Variants in ZNF438 observed in about 807,000 individuals in gnomAD.
ZNF438 encodes zinc finger protein 438.
A neutral mutation model predicts 38.0 loss-of-function variants in ZNF438; 25 were observed. The observed-to-expected ratio is 0.66, with a 90% CI of 0.48 to 0.92. The LOEUF is 0.92. ZNF438 is among the 40% of genes least tolerant of loss of function. The probability of loss-of-function intolerance (pLI) is 0.00; values close to 1 mark genes in which losing one functional copy is unlikely to be tolerated. For synonymous variants in ZNF438, 372 were observed against 364.1 expected (o/e 1.02, Z -0.25); for missense variants, 1,007 against 999.6 (o/e 1.01, Z -0.10).
chr10:30,985,896 T>C (rs2052725513), intron 1 of ZNF438, among the ~76,000 whole-genome samples: 3 of 152,190 alleles, frequency 2.0e-5, no homozygotes, highest in Admixed American at 2.0e-4. Flanking sequence ...AGTCATCCAC[T>C]GCATGATGTG....
chr10:30,857,600 A>G (rs2034880581), intron 4 of ZNF438: 6 of 1,160,724 alleles, frequency 5.2e-6, no homozygotes. Context: ...CTGAAAGCCC[A>G]CTTATTAGAG....
intron 1 of ZNF438, among the ~76,000 whole-genome samples, chr10:31,000,205 T>C (rs765459981): frequency 3.9e-5 from 6 of 152,146 alleles, no homozygotes; most frequent in African/African-American, 7.2e-5. Context: ...CCAAGCTTTC[T>C]TTTCTCTGGT....
intron 1 of ZNF438, among the ~76,000 whole-genome samples, chr10:30,957,898 GGT>G (rs1364585757): frequency 8.4e-6 from 1 of 118,488 alleles, no homozygotes; most frequent in Admixed American, 8.5e-5. Flanking sequence ...GCTGTACTCA[GGT>G]GTTCTATTCC....
intron 1 of ZNF438, among the ~76,000 whole-genome samples, chr10:30,989,514 T>TA (rs2053237536): frequency 6.6e-6 from 1 of 152,190 alleles, no homozygotes; most frequent in African/African-American, 2.4e-5. Context: ...AACAGGGACA[T>TA]ATCTTACATC....
chr10:30,912,497 CA>C (rs1192331501), intron 2 of ZNF438, among the ~76,000 whole-genome samples: 2 of 152,116 alleles, frequency 1.3e-5, no homozygotes, highest in African/African-American at 4.8e-5. Flanking sequence ...TCATCCATTT[CA>C]CAGAGATGTA....
intron 2 of ZNF438, among the ~76,000 whole-genome samples, chr10:30,916,406 C>T (rs1564635318): frequency 1.3e-5 from 2 of 152,020 alleles, no homozygotes; most frequent in African/African-American, 2.4e-5. Context: ...AAAATGAACA[C>T]CTGTTTTCCC....
At chr10:30,896,150 G>C (rs190880580) in intron 3 of ZNF438, among the ~76,000 whole-genome samples, 4 of 152,088 alleles carry the variant, frequency 2.6e-5, no homozygotes, top group Non-Finnish European at 5.9e-5. Flanking sequence ...AAAAAAATTA[G>C]CTGGGCATAG....
At position 30,905,678 on chromosome 10, in the gene ZNF438, T is replaced by C. The variant is rs2042509810; in HGVS notation, c.-32+3255A>G. 1.3e-5 allele frequency among the ~76,000 whole-genome samples: 2 copies of C among 152,222 alleles called. 1 individual carries two copies. Among genetic ancestry groups the C allele is most frequent in the South Asian group, 4.1e-4 (2 of 4,834 alleles). ...TATCAATCTAAGAAACCACTGCCTATCACAAGGTTATAAAGATTTCAGTCT... is the reference window on the plus strand; with the variant it reads ...TATCAATCTAAGAAACCACTGCCTACCACAAGGTTATAAAGATTTCAGTCT... On this transcript the variant is annotated intron_variant, in intron 3 of 5. Transcript: ENST00000413025.
At chr10:30,981,662 G>A (rs2052166153) in intron 1 of ZNF438, among the ~76,000 whole-genome samples, 1 of 152,328 alleles carries the variant, frequency 6.6e-6, no homozygotes, top group South Asian at 2.1e-4. Context: ...GGGATCATGA[G>A]ATCAGGAGTT....
intron 5 of ZNF438, among the ~76,000 whole-genome samples, chr10:30,847,872 G>A (rs2032620897): frequency 6.6e-6 from 1 of 152,230 alleles, no homozygotes; most frequent in Non-Finnish European, 1.5e-5. Context: ...TCACCACTCT[G>A]TGCCTGGCTC....
intron 5 of ZNF438, 37 bp downstream of exon 6, chr10:30,848,494 G>A: frequency 6.4e-7 from 1 of 1,566,064 alleles, no homozygotes; most frequent in African/African-American, 1.4e-5. Flanking sequence ...AATCAAAACA[G>A]ACTCTCTTGC....
chr10:31,022,050 ATCTTATAC>A (rs1298848994), intron 1 of ZNF438, among the ~76,000 whole-genome samples: 1 of 152,220 alleles, frequency 6.6e-6, no homozygotes, highest in African/African-American at 2.4e-5. Context: ...TTGAAGTGCC[ATCTTATAC>A]TACACAACAA....
At position 30,889,072 on chromosome 10, in the gene ZNF438, T is replaced by C. The variant is rs141847173; in HGVS notation, c.-31-12007A>G. 2.6e-5 allele frequency among the ~76,000 whole-genome samples: 4 copies of C among 152,300 alleles called. No individual in the cohort carries two copies. The East Asian group carries it at 5.8e-4, about 22-fold the overall frequency. The stretch of plus-strand genomic sequence containing the variant: ...CACATATATATACAATAATATCTAA[T>C]AGAAGCTAATAGTACATAAATCCTG... On this transcript the variant is annotated intron_variant, in intron 3 of 5. Coordinates refer to ENST00000413025, the Ensembl canonical transcript of ZNF438.
rs766721083 is a variant in ZNF438 at position 30,845,020 on chromosome 10, T to C, written c.2428A>G (p.Ile810Val). Residue 810 changes from isoleucine (I) to valine (V), a missense_variant, in exon 6 of 6, where the codon ATT becomes GTT. Transcript: ENST00000413025. ...CCCTGGTTGGAGACCGTATTTAAAA[T>C]AGCCCACAGTTTGGAAGGGTCCTCA... The C allele has an allele frequency of 6.2e-6, 10 of 1,614,080 alleles. No individual in the cohort carries two copies. In the East Asian group the frequency reaches 1.1e-4, roughly 18 times the overall value.
chr10:30,905,400 C>A (rs1035457463), intron 3 of ZNF438, among the ~76,000 whole-genome samples: 1 of 152,196 alleles, frequency 6.6e-6, no homozygotes, highest in Admixed American at 6.5e-5. Context: ...TGGCAATTTG[C>A]AGATCTTCTT....
At chr10:30,896,295 C>CAAAAA (rs56673889) in intron 3 of ZNF438, among the ~76,000 whole-genome samples, 3 of 107,052 alleles carry the variant, frequency 2.8e-5, no homozygotes, top group East Asian at 3.0e-4. Flanking sequence ...GACTCCATCT[C>CAAAAA]AAAAAAAAAA....
At chr10:31,014,452 G>A (rs987300654) in intron 1 of ZNF438, among the ~76,000 whole-genome samples, 1 of 152,088 alleles carries the variant, frequency 6.6e-6, no homozygotes, top group African/African-American at 2.4e-5. Context: ...TCTTATAAGC[G>A]CACTATTCAC....
At chr10:30,863,896 A>T (rs559940003) in intron 4 of ZNF438, among the ~76,000 whole-genome samples, 1 of 152,286 alleles carries the variant, frequency 6.6e-6, no homozygotes, top group Non-Finnish European at 1.5e-5. Context: ...ACCATTGTGA[A>T]CGCTGGACAG....
chr10:30,970,143 C>CACACACACACACAT (rs1240174578), intron 1 of ZNF438, among the ~76,000 whole-genome samples: 18 of 144,066 alleles, frequency 1.2e-4, no homozygotes, highest in Admixed American at 1.2e-3. Flanking sequence ...CACACACACA[C>CACACACACACACAT]ATATACACAC....
Sources: allele counts gnomAD v4.1 joint callset (sites outside exome capture counted in the v4.1 genomes callset), GRCh38; gene constraint gnomAD v4.1.1; transcripts MANE v1.5; gene names NCBI Gene and HGNC (gene_info 2026-07-23, HGNC 2026-07-21).